SH3KBP1: variants seen among roughly 807,000 people sequenced by gnomAD.
SH3KBP1 encodes the protein SH3 domain-containing kinase-binding protein 1.
A neutral mutation model predicts 50.1 loss-of-function variants in SH3KBP1; 8 were observed. That is an observed-to-expected ratio of 0.16 (90% CI 0.09 to 0.29). SH3KBP1 has a LOEUF of 0.29. SH3KBP1 is among the 10% of genes least tolerant of loss of function. SH3KBP1 has a pLI of 1.00. For synonymous variants in SH3KBP1, 227 were observed against 218.6 expected (o/e 1.04, Z -0.34); for missense variants, 377 against 535.2 (o/e 0.70, Z 2.92).
At chrX:19,601,318 C>A (rs951471532) in intron 9 of SH3KBP1, among the ~76,000 whole-genome samples, 1 of 111,832 alleles carries the variant, frequency 8.9e-6, no homozygotes. Context: ...GATTTCAGAA[C>A]TGACTCTGCC....
At chrX:19,550,567 C>T (rs1056441056) in intron 13 of SH3KBP1, among the ~76,000 whole-genome samples, 1 of 111,638 alleles carries the variant, frequency 9.0e-6, no homozygotes, top group Non-Finnish European at 1.9e-5. Context: ...GGTCTAGAGG[C>T]AGCTATGTAG....
At chrX:19,600,292 G>A (rs760162052) in intron 9 of SH3KBP1, among the ~76,000 whole-genome samples, 1 of 110,374 alleles carries the variant, frequency 9.1e-6, no homozygotes, top group African/African-American at 3.3e-5. Context: ...GCTGAGGCAG[G>A]AGGGTTGCTT....
At chrX:19,732,385 C>G (rs2064407036) in intron 3 of SH3KBP1, among the ~76,000 whole-genome samples, 1 of 110,391 alleles carries the variant, frequency 9.1e-6, no homozygotes, top group Non-Finnish European at 1.9e-5. Context: ...AAAATCCACA[C>G]ATCCTTAAGT....
intron 6 of SH3KBP1, among the ~76,000 whole-genome samples, chrX:19,681,689 C>T (rs1472672469): frequency 9.0e-6 from 1 of 110,685 alleles, no homozygotes; most frequent in East Asian, 2.8e-4. Context: ...GCAGCAAATG[C>T]CCCCTGTAGG....
At chrX:19,595,590 GTT>G (rs397943096) in intron 9 of SH3KBP1, among the ~76,000 whole-genome samples, 7 of 92,733 alleles carry the variant, frequency 7.5e-5, no homozygotes, top group Admixed American at 1.2e-4. Context: ...TTTTTGGTTT[GTT>G]TTTTTTTTTT....
intron 2 of SH3KBP1, among the ~76,000 whole-genome samples, chrX:19,786,192 G>C (rs905784505): frequency 9.0e-6 from 1 of 111,560 alleles, no homozygotes; most frequent in East Asian, 2.8e-4. Flanking sequence ...AATGTACTCT[G>C]CATGTCTGGG....
At chrX:19,548,310 G>A (rs2065141179) in intron 14 of SH3KBP1, among the ~76,000 whole-genome samples, 1 of 112,031 alleles carries the variant, frequency 8.9e-6, no homozygotes, top group African/African-American at 3.2e-5. Context: ...TCTAGACCTT[G>A]AAAAGTTGGG....
chrX:19,774,659 AAAGAAAGAAAGAAAGAAAG>A, intron 2 of SH3KBP1, among the ~76,000 whole-genome samples: 2 of 37,267 alleles, frequency 5.4e-5, no homozygotes, highest in African/African-American at 3.0e-4. Context: ...AAAAAAAAAG[AAAGAAAGAAAGAAAGAAAG>A]AAAGAAAGAA....
intron 1 of SH3KBP1, among the ~76,000 whole-genome samples, chrX:19,861,148 G>A (rs937288701): frequency 2.7e-5 from 3 of 110,970 alleles, no homozygotes; most frequent in South Asian, 7.5e-4. Flanking sequence ...AGGCCAAGGC[G>A]GGTAGATCAC....
chrX:19,600,949 T>C (rs1326703683), intron 9 of SH3KBP1, among the ~76,000 whole-genome samples: 1 of 111,825 alleles, frequency 8.9e-6, no homozygotes, highest in Non-Finnish European at 1.9e-5. Flanking sequence ...CAACAGCTAG[T>C]TGGTAGCCAG....
chrX:19,543,754 T>C (rs756514083), intron 15 of SH3KBP1, among the ~76,000 whole-genome samples: 1 of 110,109 alleles, frequency 9.1e-6, no homozygotes, highest in East Asian at 2.9e-4. Context: ...AGGCTGAAGG[T>C]GGAGGAGACT....
At chrX:19,834,912 G>A (rs1001692796) in intron 2 of SH3KBP1, among the ~76,000 whole-genome samples, 1 of 109,483 alleles carries the variant, frequency 9.1e-6, no homozygotes, top group Non-Finnish European at 1.9e-5. Flanking sequence ...GCACATGCCT[G>A]TAATCCCAGC....
In SH3KBP1 at chrX:19,876,262, G is replaced by A. The variant is rs953132293; in HGVS notation, c.4+11045C>T. Among the ~76,000 whole-genome samples the A allele has an allele frequency of 1.3e-4, 14 of 111,776 alleles. 1 individual carries two copies. Among genetic ancestry groups the A allele is most frequent in the African/African-American group, 3.9e-4 (12 of 30,723 alleles). On this transcript the variant is annotated intron_variant, in intron 1 of 17. Transcript: ENST00000397821. ...TGTAATCCCAGCTACTCGGGAGGCC[G>A]AGGCAGGAGAATCGCTTGAACCCGG...
chrX:19,824,707 A>G, intron 2 of SH3KBP1, among the ~76,000 whole-genome samples: 1 of 112,121 alleles, frequency 8.9e-6, no homozygotes, highest in Middle Eastern at 4.6e-3. Flanking sequence ...CATTAAGAAA[A>G]TAAGATTCCA....
At chrX:19,747,592 A>C (rs58320830) in intron 2 of SH3KBP1, 96 of 339,757 alleles carry the variant, frequency 2.8e-4, no homozygotes, top group African/African-American at 2.4e-3. Flanking sequence ...AGGCAGAAAG[A>C]AAGCAACAAA....
chrX:19,835,753 A>AT (rs1233983981), intron 2 of SH3KBP1, among the ~76,000 whole-genome samples: 22 of 103,841 alleles, frequency 2.1e-4, no homozygotes, highest in Admixed American at 4.1e-4. Context: ...TAATTTTTGT[A>AT]TTTTTTTTTT....
intron 3 of SH3KBP1, among the ~76,000 whole-genome samples, chrX:19,727,256 A>G (rs2064245052): frequency 8.9e-6 from 1 of 112,348 alleles, no homozygotes; most frequent in African/African-American, 3.2e-5. Flanking sequence ...GCCAACATCC[A>G]TCTCCAGAAG....
intron 6 of SH3KBP1, among the ~76,000 whole-genome samples, chrX:19,658,971 T>C (rs74394336): frequency 1.5e-4 from 16 of 109,775 alleles, no homozygotes; most frequent in Non-Finnish European, 2.9e-4. Context: ...TTTTTTTTTT[T>C]AGGAGACAGG....
intron 1 of SH3KBP1, among the ~76,000 whole-genome samples, chrX:19,874,068 A>AAAAAAAAAAAAAAAAAAAATAT (rs1491537486): frequency 1.8e-5 from 1 of 57,045 alleles, no homozygotes; most frequent in African/African-American, 1.6e-4. Flanking sequence ...AAAAAAAAAA[A>AAAAAAAAAAAAAAAAAAAATAT]ATATATATAT....
Sources: allele counts gnomAD v4.1 joint callset (sites outside exome capture counted in the v4.1 genomes callset), GRCh38; gene constraint gnomAD v4.1.1; transcripts MANE v1.5; gene names NCBI Gene and HGNC (gene_info 2026-07-23, HGNC 2026-07-21).